MYO1B: variants seen among roughly 807,000 people sequenced by gnomAD.
The protein encoded by MYO1B is myosin IB, also known as unconventional myosin-Ib.
A neutral mutation model predicts 159.7 loss-of-function variants in MYO1B; 72 were observed. That is an observed-to-expected ratio of 0.45 (90% CI 0.37 to 0.55). MYO1B has a LOEUF of 0.55. Ranked by LOEUF, MYO1B falls within the 20% of genes least tolerant of loss-of-function variation. The probability of loss-of-function intolerance (pLI) is 0.00; values close to 1 mark genes in which losing one functional copy is unlikely to be tolerated. For synonymous variants in MYO1B, 468 were observed against 473.8 expected (o/e 0.99, Z 0.16); for missense variants, 1,062 against 1,364.8 (o/e 0.78, Z 3.50).
chr2:191,400,418 C>T lies in MYO1B; in HGVS notation c.2332C>T (p.Arg778Cys), dbSNP rs372396188. 4.5e-5 allele frequency: 73 copies of T among 1,613,926 alleles called. No homozygotes were observed. The highest frequency in any genetic ancestry group is 5.5e-5 in the Non-Finnish European group (65 of 1,180,030). Residue 778 changes from arginine to cysteine, a missense_variant, in exon 22 of 31, where the codon CGC becomes TGC. This residue lies in a region of MYO1B where 609 missense variants were observed against 744.4 expected (regional missense o/e 0.82). Transcript: ENST00000392318. Reference protein sequence around the residue: ...KILRELKHQKRCKEAVTTIAA... With the variant: ...KILRELKHQKCCKEAVTTIAA... Reference sequence around the variant, plus strand: ...TCTGCGGGAACTGAAGCATCAAAAGCGCTGTAAGGAAGCAGTCACGACCAT... The same window carrying T: ...TCTGCGGGAACTGAAGCATCAAAAGTGCTGTAAGGAAGCAGTCACGACCAT...
intron 17 of MYO1B, 80 bp from the exon 18 acceptor site, chr2:191,390,210 TTA>T: frequency 7.8e-7 from 1 of 1,277,646 alleles, no homozygotes; most frequent in South Asian, 1.6e-5. Flanking sequence ...TATGAAACAG[TTA>T]TATATAATAC....
At chr2:191,302,486 A>AT (rs1011169168) in intron 3 of MYO1B, among the ~76,000 whole-genome samples, 1 of 152,018 alleles carries the variant, frequency 6.6e-6, no homozygotes, top group Admixed American at 6.6e-5. Flanking sequence ...TATAATGAGA[A>AT]TTTTTTTCAT....
intron 1 of MYO1B, among the ~76,000 whole-genome samples, chr2:191,258,590 T>C (rs1168652785): frequency 6.6e-6 from 1 of 152,212 alleles, no homozygotes; most frequent in Non-Finnish European, 1.5e-5. Context: ...GTGTGGTCTG[T>C]TGTTGACAGA....
In MYO1B at chr2:191,387,278, G is replaced by C; in HGVS notation, c.1609G>C (p.Asp537His). 2 of 1,614,156 alleles carry C rather than the reference G, an allele frequency of 1.2e-6. No homozygotes were observed. The highest frequency in any genetic ancestry group is 1.7e-6 in the Non-Finnish European group (2 of 1,180,036). ...VDKNNDLLYR[D>H]LSQAMWKASH... ...CAAAAACAATGACCTTCTCTATCGAGACCTGTCCCAAGCCATGTGGAAGGC... is the reference window on the plus strand; with the variant it reads ...CAAAAACAATGACCTTCTCTATCGACACCTGTCCCAAGCCATGTGGAAGGC... The change falls in exon 17 of 31, where the codon GAC (aspartate) becomes CAC (histidine). Residue 537 changes from aspartate (D) to histidine (H), a missense_variant. By Grantham distance (81) the Asp-to-His change is moderately conservative. Transcript: ENST00000392318.
chr2:191,294,597 C>T (rs988000199), intron 2 of MYO1B, among the ~76,000 whole-genome samples: 2 of 152,148 alleles, frequency 1.3e-5, no homozygotes, highest in Admixed American at 6.5e-5. Flanking sequence ...GTGAGGACAA[C>T]CAGAAAACCT....
At chr2:191,310,305 T>C (rs2125858492) in intron 3 of MYO1B, among the ~76,000 whole-genome samples, 1 of 152,238 alleles carries the variant, frequency 6.6e-6, no homozygotes, top group Non-Finnish European at 1.5e-5. Context: ...TGGGTTCAAG[T>C]GATTCTTGTG....
chr2:191,313,274 G>A (rs550429420), intron 3 of MYO1B, among the ~76,000 whole-genome samples: 3 of 127,944 alleles, frequency 2.3e-5, no homozygotes, highest in Non-Finnish European at 4.7e-5. Context: ...GCAGTGGTGC[G>A]ACCTCAGCTC....
Position 191,316,766 on chromosome 2 carries a change from G to A in MYO1B, c.252-13169G>A, listed in dbSNP as rs938481788. Among the ~76,000 whole-genome samples, 6 of 152,178 alleles carry A rather than the reference G, an allele frequency of 3.9e-5. No homozygotes were observed. The South Asian group carries it at 6.2e-4, about 16-fold the overall frequency. On this transcript the variant is annotated intron_variant, in intron 3 of 30. Coordinates refer to ENST00000392318, the MANE Select transcript of MYO1B (RefSeq NM_001130158.3). ...GTGAGGGTCCTCTGGCATCATCCTA[G>A]GACTTGTCACTGAGTTGATTGGATG...
intron 3 of MYO1B, among the ~76,000 whole-genome samples, chr2:191,305,230 A>G (rs1159593900): frequency 6.6e-6 from 1 of 152,130 alleles, no homozygotes; most frequent in East Asian, 1.9e-4. Context: ...TGTTGCTGGG[A>G]CTGGTGTGGC....
chr2:191,313,291 A>G (rs980732474), intron 3 of MYO1B, among the ~76,000 whole-genome samples: 2 of 134,228 alleles, frequency 1.5e-5, no homozygotes, highest in Non-Finnish European at 3.0e-5. Context: ...GCTCACTGCA[A>G]CGTCTGCCTC....
chr2:191,352,612 T>C (rs1692998042), intron 7 of MYO1B, among the ~76,000 whole-genome samples: 1 of 152,234 alleles, frequency 6.6e-6, no homozygotes. Flanking sequence ...TCTTCATGAA[T>C]GGAGTTCATA....
intron 7 of MYO1B, among the ~76,000 whole-genome samples, chr2:191,352,281 T>A (rs1692974839): frequency 6.6e-6 from 1 of 152,196 alleles, no homozygotes; most frequent in African/African-American, 2.4e-5. Context: ...TCATGAGCCT[T>A]TAGTGCTTTC....
intron 1 of MYO1B, among the ~76,000 whole-genome samples, chr2:191,254,501 C>T (rs969709123): frequency 4.0e-5 from 6 of 151,746 alleles, no homozygotes; most frequent in South Asian, 2.1e-4. Flanking sequence ...TGAGCCACCG[C>T]GCCCGGCCTC....
chr2:191,342,182 G>A (rs552899931), intron 5 of MYO1B, among the ~76,000 whole-genome samples: 6 of 152,294 alleles, frequency 3.9e-5, no homozygotes, highest in East Asian at 1.9e-4. Flanking sequence ...TGGCTTGTAG[G>A]TGGCTGCCAT....
intron 3 of MYO1B, among the ~76,000 whole-genome samples, chr2:191,301,722 C>G (rs1388326552): frequency 6.6e-6 from 1 of 152,202 alleles, no homozygotes; most frequent in East Asian, 1.9e-4. Context: ...TTAAGCGATA[C>G]TCAGTCGATA....
Position 191,350,465 on chromosome 2 carries a change from T to C in MYO1B, c.562+240T>C, listed in dbSNP as rs1692839234. Reference sequence around the variant, plus strand: ...TTTTTAGAAGTTTGCTAAATAAATATTTGCGCTACTGTTTTTTATATTCTA... The same window carrying C: ...TTTTTAGAAGTTTGCTAAATAAATACTTGCGCTACTGTTTTTTATATTCTA... On this transcript the variant is annotated intron_variant, in intron 7 of 30. Transcript: ENST00000392318. 1.0e-5 allele frequency: 3 copies of C among 294,570 alleles called. No individual in the cohort carries two copies. In the South Asian group the frequency reaches 2.0e-4, roughly 19 times the overall value. The allele number at this position is 294,570 out of a possible 1,614,324, so 18.2% of individuals were successfully genotyped here.
chr2:191,290,465 T>C (rs1045154554), intron 2 of MYO1B, among the ~76,000 whole-genome samples: 1 of 152,252 alleles, frequency 6.6e-6, no homozygotes, highest in African/African-American at 2.4e-5. Flanking sequence ...CATTAATTGC[T>C]CATGAAAATC....
chr2:191,381,698 T>C, intron 14 of MYO1B, 132 bp downstream of exon 14: 1 of 657,122 alleles, frequency 1.5e-6, no homozygotes, highest in Non-Finnish European at 2.6e-6. Flanking sequence ...TCTGTCATTC[T>C]AGAAGAGGCA....
At chr2:191,304,930 C>A (rs896837530) in intron 3 of MYO1B, among the ~76,000 whole-genome samples, 5 of 152,122 alleles carry the variant, frequency 3.3e-5, no homozygotes, top group Non-Finnish European at 7.4e-5. Flanking sequence ...ACGATAATTT[C>A]AGTGATACAA....
Sources: allele counts gnomAD v4.1 joint callset (sites outside exome capture counted in the v4.1 genomes callset), GRCh38; gene constraint gnomAD v4.1.1; regional missense constraint gnomAD v4.1.1; transcripts MANE v1.5; gene names NCBI Gene and HGNC (gene_info 2026-07-23, HGNC 2026-07-21).